Variants in ROBO1 observed in about 807,000 individuals in gnomAD.
The protein encoded by ROBO1 is roundabout homolog 1.
A neutral mutation model predicts 195.9 loss-of-function variants in ROBO1; 149 were observed. The ratio of observed to expected loss-of-function variants is 0.76; its 90% confidence interval spans 0.67 to 0.87. The LOEUF is 0.87. ROBO1 is among the 40% of genes least tolerant of loss of function. The pLI, the probability that ROBO1 is intolerant of heterozygous loss-of-function variation, is 0.00. For missense variants in ROBO1, 1,933 were observed against 2,068.3 expected, an observed-to-expected ratio of 0.93 and a Z score of 1.27; for synonymous variants, 816 against 733.2, an observed-to-expected ratio of 1.11 and a Z score of -1.82.
At chr3:79,522,410 T>C (rs1017772117) in intron 2 of ROBO1, among the ~76,000 whole-genome samples, 23 of 152,042 alleles carry the variant, frequency 1.5e-4, no homozygotes, top group African/African-American at 5.3e-4. Flanking sequence ...CAAGAAGTGA[T>C]TGAGAGACCA....
chr3:78,778,762 A>T (rs1576148022), intron 4 of ROBO1, among the ~76,000 whole-genome samples: 1 of 152,056 alleles, frequency 6.6e-6, no homozygotes, highest in African/African-American at 2.4e-5. Flanking sequence ...ATTAGAAAAA[A>T]CTAAATTTCA....
At chr3:79,502,445 C>G (rs1039163929) in intron 2 of ROBO1, among the ~76,000 whole-genome samples, 1 of 152,122 alleles carries the variant, frequency 6.6e-6, no homozygotes, top group Non-Finnish European at 1.5e-5. Context: ...GCTGCCTCCC[C>G]GCGGGGCAGG....
intron 1 of ROBO1, among the ~76,000 whole-genome samples, chr3:79,610,051 A>G: frequency 6.6e-6 from 1 of 152,048 alleles, no homozygotes; most frequent in Non-Finnish European, 1.5e-5. Flanking sequence ...AATAGACTAA[A>G]ATATAAATTA....
chr3:79,023,998 C>A (rs752615827), intron 3 of ROBO1, among the ~76,000 whole-genome samples: 1 of 151,938 alleles, frequency 6.6e-6, no homozygotes, highest in African/African-American at 2.4e-5. Context: ...GCGTGAGCCA[C>A]CGCGCCTGGC....
chr3:79,152,621 C>T (rs2080792828), intron 2 of ROBO1, among the ~76,000 whole-genome samples: 1 of 151,762 alleles, frequency 6.6e-6, no homozygotes, highest in Non-Finnish European at 1.5e-5. Flanking sequence ...ACTTCTATTA[C>T]AAAGTCAAAT....
intron 8 of ROBO1, among the ~76,000 whole-genome samples, chr3:78,711,384 TTCCTTCCTTC>T (rs1559773353): frequency 3.9e-3 from 168 of 42,576 alleles, no homozygotes; most frequent in Admixed American, 6.2e-3. Context: ...CCTTCCTTCC[TTCCTTCCTTC>T]CTTCCTTTCT....
At chr3:79,725,393 A>AT (rs1296753964) in intron 1 of ROBO1, among the ~76,000 whole-genome samples, 4 of 150,810 alleles carry the variant, frequency 2.7e-5, no homozygotes, top group African/African-American at 9.8e-5. Context: ...CGCCCGGCTA[A>AT]TTTTTTGTAT....
intron 1 of ROBO1, among the ~76,000 whole-genome samples, chr3:79,642,145 T>C (rs1945683522): frequency 6.6e-6 from 1 of 152,144 alleles, no homozygotes. Flanking sequence ...GAAAAGTTCT[T>C]TAGAGGCTTA....
intron 4 of ROBO1, among the ~76,000 whole-genome samples, chr3:78,812,915 T>C (rs961711006): frequency 6.6e-6 from 1 of 152,138 alleles, no homozygotes; most frequent in African/African-American, 2.4e-5. Context: ...TGGTAGAATT[T>C]AAAAACTGAC....
chr3:79,101,739 G>A (rs2079680036), intron 3 of ROBO1, among the ~76,000 whole-genome samples: 1 of 151,912 alleles, frequency 6.6e-6, no homozygotes, highest in Non-Finnish European at 1.5e-5. Flanking sequence ...TTTCCACAAT[G>A]TTGTGAAGGC....
chr3:79,703,053 CAAGAA>C (rs1947664506), intron 1 of ROBO1, among the ~76,000 whole-genome samples: 1 of 151,752 alleles, frequency 6.6e-6, no homozygotes. Context: ...GCATTGGCAT[CAAGAA>C]AAGAAGAGAA....
At chr3:79,243,169 T>C (rs1386333395) in intron 2 of ROBO1, among the ~76,000 whole-genome samples, 1 of 152,056 alleles carries the variant, frequency 6.6e-6, no homozygotes, top group Non-Finnish European at 1.5e-5. Context: ...GAACTCATCA[T>C]TTTTTACGGC....
chr3:79,602,885 T>G (rs1001012656), intron 1 of ROBO1, among the ~76,000 whole-genome samples: 4 of 152,018 alleles, frequency 2.6e-5, no homozygotes, highest in Non-Finnish European at 5.9e-5. Context: ...TCTAGTATTT[T>G]GTAGAAAAAA....
intron 21 of ROBO1, among the ~76,000 whole-genome samples, chr3:78,643,883 G>C (rs1357955091): frequency 6.6e-6 from 1 of 152,092 alleles, no homozygotes; most frequent in African/African-American, 2.4e-5. Flanking sequence ...AACAATATGA[G>C]AGTGAAAGGA....
chr3:78,992,601 G>A (rs1414789649), intron 3 of ROBO1, among the ~76,000 whole-genome samples: 2 of 152,138 alleles, frequency 1.3e-5, no homozygotes, highest in Non-Finnish European at 2.9e-5. Flanking sequence ...GTTTAAAACA[G>A]TGTGAGTCAA....
intron 4 of ROBO1, among the ~76,000 whole-genome samples, chr3:78,932,372 C>T (rs1320444060): frequency 2.0e-5 from 3 of 152,152 alleles, no homozygotes; most frequent in Non-Finnish European, 2.9e-5. Flanking sequence ...CATCTTAGCA[C>T]TTTTCAGCAT....
intron 2 of ROBO1, among the ~76,000 whole-genome samples, chr3:79,237,122 G>A (rs1163537033): frequency 2.0e-5 from 3 of 152,174 alleles, no homozygotes; most frequent in East Asian, 1.9e-4. Context: ...TAGAATATAT[G>A]AAATATAGAG....
chr3:79,642,599 TAAG>T (rs1553779393), intron 1 of ROBO1, among the ~76,000 whole-genome samples: 1 of 152,124 alleles, frequency 6.6e-6, no homozygotes, highest in Non-Finnish European at 1.5e-5. Context: ...CCATATAGAC[TAAG>T]AAGAAGTGAG....
At chr3:79,599,789 C>A (rs536274998) in intron 1 of ROBO1, among the ~76,000 whole-genome samples, 1 of 151,994 alleles carries the variant, frequency 6.6e-6, no homozygotes, top group East Asian at 1.9e-4. Context: ...AGTTTTCTGA[C>A]TTGCTTAAAA....
Sources: gnomAD v4.1 joint callset for allele counts (sites outside exome capture counted in the v4.1 genomes callset) on GRCh38, gnomAD v4.1.1 for gene constraint, MANE v1.5 for transcripts, NCBI Gene and HGNC (gene_info 2026-07-23, HGNC 2026-07-21) for gene names.